The following NIPA1 variants were observed in gnomAD, a reference collection of about 807,000 sequenced individuals.
The protein encoded by NIPA1 is NIPA magnesium transporter 1, also known as magnesium transporter NIPA1.
NIPA1 carries 13 observed loss-of-function variants against 23.9 expected under a neutral mutation model. The ratio of observed to expected loss-of-function variants is 0.54; its 90% CI spans 0.35 to 0.87. NIPA1 has a LOEUF of 0.87. Among genes scored for constraint, NIPA1 ranks in the 40% least tolerant of loss-of-function variants. NIPA1 has a pLI of 0.01. For missense variants in NIPA1, 362 were observed against 429.7 expected (o/e 0.84, Z 1.39); for synonymous variants, 234 against 202.9 (o/e 1.15, Z -1.30).
chr15:22,787,390 C>T (rs1452278948), intron 1 of NIPA1, among the ~76,000 whole-genome samples: 2 of 152,238 alleles, frequency 1.3e-5, no homozygotes, highest in East Asian at 1.9e-4. Flanking sequence ...CGGGCGGGCT[C>T]TCAGGGCTGT....
intron 4 of NIPA1, among the ~76,000 whole-genome samples, chr15:22,823,505 G>A (rs538776837): frequency 6.6e-6 from 1 of 152,310 alleles, no homozygotes; most frequent in South Asian, 2.1e-4. Flanking sequence ...TGGCTAACCC[G>A]GCTGTAAATG....
At chr15:22,820,504 A>G in intron 4 of NIPA1, 31 bp downstream of exon 4, 1 of 1,592,196 alleles carries the variant, frequency 6.3e-7, no homozygotes, top group South Asian at 1.1e-5. Context: ...CTGCCAAGAA[A>G]GTTTGCAGTA....
upstream of NIPA1, chr15:22,786,631 A>T: frequency 1.1e-6 from 1 of 923,462 alleles, no homozygotes; most frequent in Non-Finnish European, 1.3e-6. Context: ...GCGCAGGCGC[A>T]GGCTCGGAGG....
At chr15:22,793,430 CATT>C (rs1894875448) in intron 1 of NIPA1, among the ~76,000 whole-genome samples, 1 of 147,422 alleles carries the variant, frequency 6.8e-6, no homozygotes, top group Non-Finnish European at 1.5e-5. Context: ...TGCTGTCAAA[CATT>C]AGAGCTTCTT....
chr15:22,800,654 C>T (rs966096378), intron 1 of NIPA1, among the ~76,000 whole-genome samples: 3 of 151,896 alleles, frequency 2.0e-5, no homozygotes, highest in East Asian at 1.9e-4. Context: ...TGGCACCGGG[C>T]ATCGTGGCTC....
intron 1 of NIPA1, among the ~76,000 whole-genome samples, chr15:22,802,866 A>T (rs1341824192): frequency 2.0e-5 from 3 of 152,122 alleles, no homozygotes; most frequent in Non-Finnish European, 4.4e-5. Context: ...TGATGTGGGT[A>T]TCAGCAATAT....
At chr15:22,802,748 G>A (rs1895111901) in intron 1 of NIPA1, among the ~76,000 whole-genome samples, 1 of 152,038 alleles carries the variant, frequency 6.6e-6, no homozygotes, top group Non-Finnish European at 1.5e-5. Context: ...ATGCCCATCT[G>A]CATAGGTTGA....
chr15:22,807,706 A>AC (rs1895236986), intron 1 of NIPA1, among the ~76,000 whole-genome samples: 1 of 152,152 alleles, frequency 6.6e-6, no homozygotes, highest in Non-Finnish European at 1.5e-5. Flanking sequence ...GAAGAATCAA[A>AC]TTACTAAAAT....
At chr15:22,790,803 C>T (rs1310297070) in intron 1 of NIPA1, among the ~76,000 whole-genome samples, 2 of 152,064 alleles carry the variant, frequency 1.3e-5, no homozygotes, top group Non-Finnish European at 2.9e-5. Flanking sequence ...TCCTTTCCTA[C>T]ATCTGTTGCA....
intron 1 of NIPA1, among the ~76,000 whole-genome samples, chr15:22,788,267 C>G (rs931103889): frequency 6.6e-6 from 1 of 151,828 alleles, no homozygotes; most frequent in South Asian, 2.1e-4. Context: ...TTTGGGAGGC[C>G]GAGGCGGGCG....
At chr15:22,798,020 T>A (rs6606828) in intron 1 of NIPA1, among the ~76,000 whole-genome samples, 111,081 of 151,222 alleles carry the variant, frequency 0.73, 42,279 homozygotes, top group African/African-American at 0.93. Context: ...AATTTCTTTT[T>A]GTATTTTTAG....
rs899757205 is a variant in NIPA1 at position 22,824,579 on chromosome 15, A to G, written c.*340A>G. The G allele has an allele frequency of 1.2e-5, 4 of 327,770 alleles. No individual in the cohort carries two copies. Among genetic ancestry groups the G allele is most frequent in the Non-Finnish European group, 2.3e-5 (4 of 172,890 alleles). The allele number at this position is 327,770 out of a possible 1,614,324, so 20.3% of individuals were successfully genotyped here. A position where few individuals can be genotyped will look rare whatever the true frequency, so the allele number is the denominator to read the frequency against. On this transcript the variant is annotated 3_prime_UTR_variant, in exon 5 of 5. Coordinates refer to ENST00000337435, the MANE Select transcript of NIPA1 (RefSeq NM_144599.5). The surrounding 1 kb of genome is among the most constrained non-coding windows in gnomAD (Gnocchi z 4.1). ...AGAAAAAGATGGGCTCTTTCTGGTT[A>G]GTTGTTACATGATAGCAGAGATATT...
Position 22,786,783 on chromosome 15 carries a change from G to C in NIPA1, c.127G>C (p.Gly43Arg). 1 of 1,319,594 alleles carries C rather than the reference G, an allele frequency of 7.6e-7. No homozygotes were observed. Among genetic ancestry groups the C allele is most frequent in the Non-Finnish European group, 9.9e-7 (1 of 1,013,350 alleles). The allele number at this position is 1,319,594 out of a possible 1,614,324, so 81.7% of individuals were successfully genotyped here. ...GGCCGTCGTGTCGAGCCTGGTGAAC[G>C]GGTCCACGTTCGTGCTACAGAAGAA... ...GVAVVSSLVN[G>R]STFVLQKKGI... The change falls in exon 1 of 5, where the codon GGG becomes CGG. Residue 43 changes from glycine (G) to arginine (R), a missense_variant. Transcript: ENST00000337435.
In NIPA1 at chr15:22,818,869, G is replaced by C. The variant is rs117506032; in HGVS notation, c.318-1444G>C. Among the ~76,000 whole-genome samples, 459 of 152,222 alleles carry C rather than the reference G, an allele frequency of 3.0e-3. 4 individuals are homozygous for C. The highest frequency in any genetic ancestry group is 6.8e-3 in the Middle Eastern group (2 of 294). ...TCCACAATGGAATAAGAGATGATTT[G>C]GCCTCGTGGCTCATACTGTCCACTT... is the stretch of plus-strand genomic sequence containing the variant. On this transcript the variant is annotated intron_variant, in intron 3 of 4. Coordinates refer to ENST00000337435, the MANE Select transcript of NIPA1 (RefSeq NM_144599.5).
intron 1 of NIPA1, among the ~76,000 whole-genome samples, chr15:22,799,726 G>T (rs1251354915): frequency 2.7e-5 from 4 of 150,828 alleles, no homozygotes; most frequent in African/African-American, 9.8e-5. Context: ...AGGTTGCAGT[G>T]AGCCGAGATC....
chr15:22,810,214 C>T (rs375817679), intron 1 of NIPA1, among the ~76,000 whole-genome samples: 39 of 152,168 alleles, frequency 2.6e-4, no homozygotes, highest in Admixed American at 7.2e-4. Flanking sequence ...GAGAGGATGC[C>T]GGCAAGTCTC....
chr15:22,787,227 C>T (rs982028901), intron 1 of NIPA1, among the ~76,000 whole-genome samples: 2 of 152,138 alleles, frequency 1.3e-5, no homozygotes, highest in Admixed American at 6.5e-5. Context: ...CCGGGAGCCT[C>T]CTGCGGACGC....
At chr15:22,790,362 C>T (rs1338845865) in intron 1 of NIPA1, among the ~76,000 whole-genome samples, 1 of 151,120 alleles carries the variant, frequency 6.6e-6, no homozygotes, top group Non-Finnish European at 1.5e-5. Flanking sequence ...TGGAGTCTTG[C>T]TCTGTCACCA....
chr15:22,810,569 G>A (rs981354410), intron 1 of NIPA1, among the ~76,000 whole-genome samples, 180 bp from the exon 2 acceptor site: 4 of 151,978 alleles, frequency 2.6e-5, no homozygotes, highest in Non-Finnish European at 4.4e-5. Context: ...TGCCACTTTC[G>A]GTGGTCTCTA....
Sources: allele counts gnomAD v4.1 joint callset (sites outside exome capture counted in the v4.1 genomes callset), GRCh38; gene constraint gnomAD v4.1.1; non-coding constraint Gnocchi (gnomAD v3.1); transcripts MANE v1.5; gene names NCBI Gene and HGNC (gene_info 2026-07-23, HGNC 2026-07-21).